The following MGA variants were observed in gnomAD, a reference collection of about 807,000 sequenced individuals.
The protein encoded by MGA is MAX dimerization protein MGA.
MGA carries 40 observed loss-of-function variants against 261.1 expected under a neutral mutation model. That is an observed-to-expected ratio of 0.15 (90% CI 0.12 to 0.20). The LOEUF is 0.20. Ranked by LOEUF, MGA falls within the 10% of genes least tolerant of loss-of-function variation. The pLI is 1.00. For synonymous variants in MGA, 1,302 were observed against 1,290.6 expected, an observed-to-expected ratio of 1.01 and a Z score of -0.19; for missense variants, 3,397 against 3,630.5, an observed-to-expected ratio of 0.94 and a Z score of 1.65.
chr15:41,661,869 CAG>C (rs2057424422), intron 1 of MGA, among the ~76,000 whole-genome samples: 2 of 152,262 alleles, frequency 1.3e-5, no homozygotes, highest in South Asian at 4.2e-4. Flanking sequence ...TCCAAGGTAA[CAG>C]AACGCGGCTG....
intron 1 of MGA, among the ~76,000 whole-genome samples, chr15:41,623,107 C>T (rs1269924753): frequency 3.9e-5 from 6 of 152,028 alleles, no homozygotes; most frequent in African/African-American, 1.2e-4. Context: ...AAAATAGCAA[C>T]AGAGAGATAT....
intron 10 of MGA, among the ~76,000 whole-genome samples, chr15:41,728,934 G>T (rs1235066048): frequency 6.6e-6 from 1 of 152,148 alleles, no homozygotes; most frequent in Non-Finnish European, 1.5e-5. Context: ...TAGATAATTT[G>T]AAATGCACTG....
chr15:41,692,836 C>T (rs1270151151), intron 2 of MGA, among the ~76,000 whole-genome samples: 3 of 152,064 alleles, frequency 2.0e-5, no homozygotes, highest in African/African-American at 7.2e-5. Flanking sequence ...CTCAGCCTCC[C>T]GAGTAGCTGG....
intron 1 of MGA, among the ~76,000 whole-genome samples, chr15:41,630,421 T>C (rs1453201165): frequency 1.3e-5 from 2 of 152,216 alleles, no homozygotes; most frequent in East Asian, 3.8e-4. Flanking sequence ...TGGTAGATGC[T>C]TAATCATAAT....
At chr15:41,763,493 C>G (rs750854700) in intron 22 of MGA, among the ~76,000 whole-genome samples, 41 of 151,852 alleles carry the variant, frequency 2.7e-4, no homozygotes, top group Non-Finnish European at 4.6e-4. Flanking sequence ...CCTGTAATCC[C>G]AGAACTTTGG....
At chr15:41,663,812 G>C (rs1479340103) in intron 1 of MGA, among the ~76,000 whole-genome samples, 3 of 152,012 alleles carry the variant, frequency 2.0e-5, no homozygotes, top group Non-Finnish European at 2.9e-5. Context: ...TTTGCGGTTG[G>C]CTTAAGTAGA....
intron 1 of MGA, among the ~76,000 whole-genome samples, chr15:41,629,757 G>T (rs2056548260): frequency 6.6e-6 from 1 of 152,040 alleles, no homozygotes. Context: ...ACAAAAACAT[G>T]TAACTGGTTA....
chr15:41,711,807 TGCCTCA>T (rs1223313017), intron 8 of MGA, among the ~76,000 whole-genome samples: 1 of 152,148 alleles, frequency 6.6e-6, no homozygotes, highest in Non-Finnish European at 1.5e-5. Context: ...GCTATTCTCC[TGCCTCA>T]GCCTTTCGAG....
intron 17 of MGA, chr15:41,751,903 C>G (rs912244683): frequency 1.3e-5 from 2 of 152,174 alleles, no homozygotes; most frequent in Non-Finnish European, 2.9e-5. Flanking sequence ...CATACAACTG[C>G]TTGTTTTACA....
rs1427701166 is a variant in MGA at position 41,665,171 on chromosome 15, T to G, written c.-67-3657T>G. On this transcript the variant is annotated intron_variant, in intron 1 of 23. Coordinates refer to ENST00000219905, the MANE Select transcript of MGA (RefSeq NM_001164273.2). ...CTTGTAAGAAGAGGTAAAATTCAGA[T>G]TAGGTGCTTTTGCTGCTCATCATTA... Among the ~76,000 whole-genome samples, 3 of 152,174 alleles carry G rather than the reference T, an allele frequency of 2.0e-5. No homozygotes were observed. The East Asian group carries it at 5.8e-4, about 29-fold the overall frequency.
intron 2 of MGA, 79 bp from the exon 3 acceptor site, chr15:41,695,994 ATC>A: frequency 9.6e-7 from 1 of 1,036,572 alleles, no homozygotes; most frequent in Non-Finnish European, 1.4e-6. Flanking sequence ...GATTCCTAAC[ATC>A]TTTTTTTTTT....
intron 11 of MGA, among the ~76,000 whole-genome samples, chr15:41,732,949 T>C (rs1344400242): frequency 6.6e-6 from 1 of 152,104 alleles, no homozygotes; most frequent in Non-Finnish European, 1.5e-5. Context: ...ATTTTTTTAT[T>C]CCTCTACTTT....
rs1175749458 is a variant in MGA at position 41,748,909 on chromosome 15, G to T, written c.5485G>T (p.Val1829Phe). 3 of 1,613,572 alleles carry T rather than the reference G, an allele frequency of 1.9e-6. No homozygotes were observed. Among genetic ancestry groups the T allele is most frequent in the Non-Finnish European group, 2.5e-6 (3 of 1,179,782 alleles). The stretch of plus-strand genomic sequence containing the variant: ...TAATACCCAGCCCAACTTACAGCCT[G>T]TCATGTTTCGGAACCCAGGTATAAA... The change falls in exon 16 of 24, where the codon GTC (valine) becomes TTC (phenylalanine). Residue 1829 changes from valine (V) to phenylalanine (F), a missense_variant. Transcript: ENST00000219905.
chr15:41,699,131 G>A lies in MGA; in HGVS notation c.2160G>A (p.Lys720=), dbSNP rs781595291. Residue 720 remains lysine (K), a synonymous_variant, in exon 5 of 24, where the codon AAG becomes AAA. Transcript: ENST00000219905. ...AAGATTTGAAGACTTTGCGGCACAA[G>A]CAGGTGATACATCCTGGTCTTCAAG... 1 of 1,611,182 alleles carries A rather than the reference G, an allele frequency of 6.2e-7. No individual in the cohort carries two copies. The highest frequency in any genetic ancestry group is 1.3e-5 in the African/African-American group (1 of 74,968).
Position 41,749,935 on chromosome 15 carries a change from G to A in MGA, c.6328G>A (p.Gly2110Ser), listed in dbSNP as rs767824579. The A allele has an allele frequency of 4.3e-6, 7 of 1,613,778 alleles. No individual in the cohort carries two copies. The East Asian group carries it at 1.3e-4, about 31-fold the overall frequency. ...AAGTAAAGTACAGCATCAAAAACTTGGTGATGTGAAGGTGGAACAGCAGAA... is the reference window on the plus strand; with the variant it reads ...AAGTAAAGTACAGCATCAAAAACTTAGTGATGTGAAGGTGGAACAGCAGAA... The change falls in exon 17 of 24, where the codon GGT (glycine) becomes AGT (serine). Residue 2110 changes from glycine to serine, a missense_variant. Coordinates refer to ENST00000219905, the MANE Select transcript of MGA (RefSeq NM_001164273.2).
In MGA at chr15:41,690,481, A is replaced by G. The variant is rs147049699; in HGVS notation, c.1065-5594A>G. Among the ~76,000 whole-genome samples the G allele has an allele frequency of 3.3e-5, 5 of 152,292 alleles. No individual in the cohort carries two copies. In the East Asian group the frequency reaches 9.6e-4, roughly 29 times the overall value. Reference sequence around the variant, plus strand: ...ATTGTCTTGGCACCTTGGCAATTGAATCAGTTGACATAAATGTGGGCATTT... The same window carrying G: ...ATTGTCTTGGCACCTTGGCAATTGAGTCAGTTGACATAAATGTGGGCATTT... On this transcript the variant is annotated intron_variant, in intron 2 of 23. Coordinates refer to ENST00000219905, the MANE Select transcript of MGA (RefSeq NM_001164273.2).
At chr15:41,676,207 A>G (rs1459434034) in intron 2 of MGA, among the ~76,000 whole-genome samples, 2 of 151,874 alleles carry the variant, frequency 1.3e-5, no homozygotes, top group East Asian at 3.9e-4. Context: ...TTTTGAGACG[A>G]AGTCTCGCAC....
At chr15:41,697,896 T>G (rs1267992858) in intron 3 of MGA, among the ~76,000 whole-genome samples, 3 of 152,120 alleles carry the variant, frequency 2.0e-5, no homozygotes, top group Admixed American at 1.3e-4. Context: ...TGAGATGGAG[T>G]CTCGGTCTGT....
intron 2 of MGA, among the ~76,000 whole-genome samples, chr15:41,678,420 C>T (rs1404403967): frequency 2.0e-5 from 3 of 150,164 alleles, no homozygotes; most frequent in Non-Finnish European, 4.4e-5. Flanking sequence ...GGTAAGGCTT[C>T]AGCTTCATTC....
Sources: allele counts gnomAD v4.1 joint callset (sites outside exome capture counted in the v4.1 genomes callset), GRCh38; gene constraint gnomAD v4.1.1; transcripts MANE v1.5; gene names NCBI Gene and HGNC (gene_info 2026-07-23, HGNC 2026-07-21).